CCDC102B: variants seen among roughly 807,000 people sequenced by gnomAD.
The protein encoded by CCDC102B is coiled-coil domain containing 102B.
Under a neutral mutation model 57.4 loss-of-function variants are expected in CCDC102B, and 75 were observed. That is an observed-to-expected ratio of 1.31 (90% CI 1.08 to 1.58). The LOEUF (loss-of-function observed/expected upper bound fraction) is 1.58, where lower values mean the gene tolerates loss of function less well. Ranked by LOEUF, CCDC102B falls within the 40% of genes most tolerant of loss-of-function variation. CCDC102B has a pLI of 0.00. For synonymous variants in CCDC102B, 206 were observed against 201.9 expected (o/e 1.02, Z -0.17); for missense variants, 636 against 582.6 (o/e 1.09, Z -0.94).
chr18:68,730,134 CTTAAGT>C (rs997096638), intron 2 of CCDC102B, among the ~76,000 whole-genome samples: 7 of 152,110 alleles, frequency 4.6e-5, no homozygotes, highest in Non-Finnish European at 1.5e-5. Flanking sequence ...ATACAGTAAA[CTTAAGT>C]TTAACTTAGT....
intron 6 of CCDC102B, among the ~76,000 whole-genome samples, chr18:68,954,096 G>T (rs1434838628): frequency 2.6e-5 from 4 of 151,816 alleles, no homozygotes; most frequent in Non-Finnish European, 5.9e-5. Context: ...TTAGGAAATG[G>T]CATTTGCATA....
intron 2 of CCDC102B, among the ~76,000 whole-genome samples, chr18:68,774,884 TAATC>T (rs1006230438): frequency 2.0e-5 from 3 of 151,562 alleles, no homozygotes; most frequent in Non-Finnish European, 4.4e-5. Flanking sequence ...ATTAATAACA[TAATC>T]AGTACCACTT....
Position 68,996,376 on chromosome 18 carries a change from ACT to A in CCDC102B, c.1264-14553_1264-14552del, listed in dbSNP as rs2051027994. ...CTTTTGGCCACAGACTGAAGGCTGC[ACT>A]CTCTGCTTCCTTACCTTTGAGGTTT... On this transcript the variant is annotated intron_variant, in intron 6 of 7. Coordinates refer to ENST00000360242, the MANE Select transcript of CCDC102B (RefSeq NM_024781.3). Among the ~76,000 whole-genome samples the A allele has an allele frequency of 2.0e-5, 3 of 152,052 alleles. No homozygotes were observed. In the South Asian group the frequency reaches 6.2e-4, roughly 32 times the overall value.
intron 7 of CCDC102B, among the ~76,000 whole-genome samples, chr18:69,028,763 A>G (rs2052059718): frequency 6.6e-6 from 1 of 152,126 alleles, no homozygotes; most frequent in Non-Finnish European, 1.5e-5. Context: ...ACAGTTTTTC[A>G]CCAAGTTTCC....
intron 6 of CCDC102B, among the ~76,000 whole-genome samples, chr18:68,949,664 A>G (rs1041813825): frequency 2.0e-5 from 3 of 152,236 alleles, no homozygotes; most frequent in Middle Eastern, 3.4e-3. Flanking sequence ...TATGAAATCA[A>G]TCTGACCATC....
intron 2 of CCDC102B, among the ~76,000 whole-genome samples, chr18:68,741,450 G>C (rs1408897771): frequency 1.3e-5 from 2 of 152,098 alleles, no homozygotes; most frequent in Non-Finnish European, 2.9e-5. Flanking sequence ...TGCAATTCTG[G>C]GATAGCTGAA....
chr18:68,871,238 A>T (rs1290676563), intron 4 of CCDC102B, among the ~76,000 whole-genome samples: 1 of 152,320 alleles, frequency 6.6e-6, no homozygotes, highest in Admixed American at 6.5e-5. Flanking sequence ...ATAAAAGGAC[A>T]GGAACTTGGA....
chr18:68,787,738 G>A (rs1390282454), intron 2 of CCDC102B, among the ~76,000 whole-genome samples: 45 of 149,152 alleles, frequency 3.0e-4, no homozygotes, highest in Middle Eastern at 6.9e-3. Flanking sequence ...TATTAGTCTT[G>A]CTAGCGGTCT....
chr18:68,893,273 TA>T, intron 5 of CCDC102B, among the ~76,000 whole-genome samples: 1 of 152,104 alleles, frequency 6.6e-6, no homozygotes, highest in Non-Finnish European at 1.5e-5. Context: ...TCTTATGTTA[TA>T]AAAAAGAAAA....
At chr18:68,768,412 T>C (rs1250982565) in intron 2 of CCDC102B, among the ~76,000 whole-genome samples, 1 of 152,224 alleles carries the variant, frequency 6.6e-6, no homozygotes, top group African/African-American at 2.4e-5. Context: ...AAACTTTCTA[T>C]ACTTAAACAT....
At chr18:69,022,291 G>GCACA (rs569332359) in intron 7 of CCDC102B, among the ~76,000 whole-genome samples, 1 of 148,952 alleles carries the variant, frequency 6.7e-6, no homozygotes, top group African/African-American at 2.5e-5. Flanking sequence ...ATATATGTGG[G>GCACA]CACACACACA....
At chr18:68,717,029 AT>A (rs2032052007) in intron 2 of CCDC102B, among the ~76,000 whole-genome samples, 2 of 150,790 alleles carry the variant, frequency 1.3e-5, no homozygotes, top group Admixed American at 6.6e-5. Flanking sequence ...GTGAGTTGAA[AT>A]CGCGCCACTG....
At chr18:69,009,794 G>A (rs1293686708) in intron 6 of CCDC102B, among the ~76,000 whole-genome samples, 1 of 151,046 alleles carries the variant, frequency 6.6e-6, no homozygotes, top group African/African-American at 2.4e-5. Flanking sequence ...TGCCTTTTTT[G>A]TGATTTTTGT....
chr18:68,817,959 TTATAG>T (rs2036548725), intron 1 of CCDC102B, among the ~76,000 whole-genome samples: 2 of 152,214 alleles, frequency 1.3e-5, no homozygotes, highest in Non-Finnish European at 1.5e-5. Flanking sequence ...GATATATTCC[TTATAG>T]TAAAGATACA....
chr18:69,005,791 T>C (rs1488392925), intron 6 of CCDC102B, among the ~76,000 whole-genome samples: 5 of 151,514 alleles, frequency 3.3e-5, no homozygotes, highest in Admixed American at 1.3e-4. Flanking sequence ...TAATACTGTA[T>C]TACTCTATTA....
At chr18:68,731,748 A>T (rs962118206) in intron 2 of CCDC102B, among the ~76,000 whole-genome samples, 6 of 149,634 alleles carry the variant, frequency 4.0e-5, no homozygotes, top group Non-Finnish European at 8.9e-5. Context: ...AATAATGCTC[A>T]TTCAGTTATA....
At chr18:68,986,633 A>G (rs2050731545) in intron 6 of CCDC102B, among the ~76,000 whole-genome samples, 1 of 152,098 alleles carries the variant, frequency 6.6e-6, no homozygotes, top group Non-Finnish European at 1.5e-5. Context: ...AATTATCTTC[A>G]CTGATGATAT....
At chr18:68,993,329 A>G (rs905707355) in intron 6 of CCDC102B, 13 of 152,292 alleles carry the variant, frequency 8.5e-5, no homozygotes, top group African/African-American at 2.9e-4. Flanking sequence ...ACCCGCACCC[A>G]AGGGACTCTG....
intron 2 of CCDC102B, among the ~76,000 whole-genome samples, chr18:68,740,316 C>CTAGGAAAA (rs1215185644): frequency 1.3e-5 from 2 of 152,146 alleles, no homozygotes; most frequent in Non-Finnish European, 2.9e-5. Flanking sequence ...TTTTAAAGAT[C>CTAGGAAAA]TAGGAAAATT....
Sources: gnomAD v4.1 joint callset for allele counts (sites outside exome capture counted in the v4.1 genomes callset) on GRCh38, gnomAD v4.1.1 for gene constraint, MANE v1.5 for transcripts, NCBI Gene and HGNC (gene_info 2026-07-23, HGNC 2026-07-21) for gene names.